Variants in LRRTM4 observed in about 807,000 individuals in gnomAD.
The protein encoded by LRRTM4 is leucine rich repeat transmembrane neuronal 4, also known as leucine-rich repeat transmembrane neuronal protein 4.
LRRTM4 carries 25 observed loss-of-function variants against 47.6 expected under a neutral mutation model. That is an observed-to-expected ratio of 0.53 (90% CI 0.38 to 0.73). The LOEUF (loss-of-function observed/expected upper bound fraction) is 0.73, where lower values mean the gene tolerates loss of function less well. Among genes scored for constraint, LRRTM4 ranks in the 30% least tolerant of loss-of-function variants. LRRTM4 has a pLI of 0.00. For synonymous variants in LRRTM4, 311 were observed against 269.5 expected (o/e 1.15, Z -1.51); for missense variants, 638 against 713.4 (o/e 0.89, Z 1.20).
intron 3 of LRRTM4, among the ~76,000 whole-genome samples, chr2:76,764,480 A>C (rs977566088): frequency 6.6e-6 from 1 of 152,050 alleles, no homozygotes; most frequent in Non-Finnish European, 1.5e-5. Context: ...AAATGCAAAA[A>C]ATTAGCTGGG....
In LRRTM4 at chr2:76,760,445, G is replaced by C. The variant is rs1204209039; in HGVS notation, c.1552-11529C>G. Among the ~76,000 whole-genome samples the C allele has an allele frequency of 2.0e-5, 3 of 152,124 alleles. No individual in the cohort carries two copies. The East Asian group carries it at 5.8e-4, about 29-fold the overall frequency. On this transcript the variant is annotated intron_variant, in intron 3 of 3. Coordinates refer to ENST00000409884, the MANE Select transcript of LRRTM4 (RefSeq NM_001134745.3). Reference sequence around the variant, plus strand: ...AGAGGGAAGGAGATGACTATCAGGTGGTTTCTGAGCCAAAGAATGGGTGCT... The same window carrying C: ...AGAGGGAAGGAGATGACTATCAGGTCGTTTCTGAGCCAAAGAATGGGTGCT...
chr2:77,197,354 C>T (rs542064318), intron 3 of LRRTM4, among the ~76,000 whole-genome samples: 1 of 151,924 alleles, frequency 6.6e-6, no homozygotes, highest in Admixed American at 6.6e-5. Context: ...AGAAAATTAG[C>T]CTTATAATCT....
At chr2:77,083,783 CTTTTTTTTTTT>C (rs386390525) in intron 3 of LRRTM4, among the ~76,000 whole-genome samples, 211 of 52,222 alleles carry the variant, frequency 4.0e-3, no homozygotes, top group Middle Eastern at 0.015. Context: ...ACTGGACACA[CTTTTTTTTTTT>C]TTTTTTTTTT....
At chr2:76,909,648 G>A (rs1445812513) in intron 3 of LRRTM4, among the ~76,000 whole-genome samples, 1 of 151,670 alleles carries the variant, frequency 6.6e-6, no homozygotes, top group Non-Finnish European at 1.5e-5. Flanking sequence ...AAATTTACAA[G>A]AAAAAAACAA....
intron 3 of LRRTM4, among the ~76,000 whole-genome samples, chr2:77,368,848 G>C (rs1024531856): frequency 2.0e-5 from 3 of 151,662 alleles, no homozygotes; most frequent in African/African-American, 7.3e-5. Flanking sequence ...GTTTCCTTTG[G>C]CGATATATGC....
rs528381596 is a variant in LRRTM4, at chr2:77,506,937, TAC to T, written c.1551+11379_1551+11380del. Among the ~76,000 whole-genome samples, 588 of 152,186 alleles carry T rather than the reference TAC, an allele frequency of 3.9e-3. 4 individuals are homozygous for T. Among genetic ancestry groups the T allele is most frequent in the Middle Eastern group, 0.027 (8 of 294 alleles). On this transcript the variant is annotated intron_variant, in intron 3 of 3. Coordinates refer to ENST00000409884, the MANE Select transcript of LRRTM4 (RefSeq NM_001134745.3). ...AAGTAATGTTATGCAATCATATACA[TAC>T]AGTTTCTAATATGAAATTAATTTTC...
chr2:77,395,632 A>T (rs1242853258), intron 3 of LRRTM4, among the ~76,000 whole-genome samples: 1 of 151,932 alleles, frequency 6.6e-6, no homozygotes. Context: ...TGCTTTCTTC[A>T]TATTTAGGTT....
chr2:77,086,518 C>T (rs1451708962), intron 3 of LRRTM4, among the ~76,000 whole-genome samples: 1 of 140,564 alleles, frequency 7.1e-6, no homozygotes, highest in Non-Finnish European at 1.5e-5. Flanking sequence ...GCTCTTTTTG[C>T]CCAGGCTGGA....
At chr2:76,918,708 G>A (rs1294717036) in intron 3 of LRRTM4, among the ~76,000 whole-genome samples, 2 of 152,002 alleles carry the variant, frequency 1.3e-5, no homozygotes, top group Non-Finnish European at 1.5e-5. Flanking sequence ...TACCTCACAT[G>A]ACAGAAGCTA....
chr2:76,903,654 A>T (rs1200029697), intron 3 of LRRTM4, among the ~76,000 whole-genome samples: 6 of 152,228 alleles, frequency 3.9e-5, no homozygotes, highest in African/African-American at 1.4e-4. Context: ...AGAAATTAGG[A>T]CTTTGAGCAG....
chr2:77,130,493 T>C (rs970727756), intron 3 of LRRTM4, among the ~76,000 whole-genome samples: 1 of 151,924 alleles, frequency 6.6e-6, no homozygotes, highest in African/African-American at 2.4e-5. Flanking sequence ...GTCAGACATA[T>C]ACTATAATAA....
At chr2:77,465,342 G>A (rs1452926003) in intron 3 of LRRTM4, among the ~76,000 whole-genome samples, 1 of 152,156 alleles carries the variant, frequency 6.6e-6, no homozygotes, top group Non-Finnish European at 1.5e-5. Context: ...AACATAATAT[G>A]TATCTGAGAA....
intron 3 of LRRTM4, among the ~76,000 whole-genome samples, chr2:76,928,442 G>A (rs192514219): frequency 7.9e-5 from 12 of 152,192 alleles, no homozygotes; most frequent in South Asian, 4.1e-4. Flanking sequence ...ATTCTGCAGC[G>A]TGCCTATGGG....
intron 3 of LRRTM4, among the ~76,000 whole-genome samples, chr2:77,174,366 G>C (rs531021424): frequency 2.0e-5 from 3 of 152,202 alleles, no homozygotes; most frequent in Non-Finnish European, 4.4e-5. Flanking sequence ...GGAGGCAGAA[G>C]TACAGAGATG....
At chr2:77,022,382 C>T (rs1678305495) in intron 3 of LRRTM4, among the ~76,000 whole-genome samples, 1 of 152,044 alleles carries the variant, frequency 6.6e-6, no homozygotes, top group South Asian at 2.1e-4. Flanking sequence ...CTCCAAATCC[C>T]ATGTCCTTGA....
At chr2:77,020,623 C>T (rs553428160) in intron 3 of LRRTM4, among the ~76,000 whole-genome samples, 9 of 151,910 alleles carry the variant, frequency 5.9e-5, no homozygotes, top group Admixed American at 2.0e-4. Context: ...AGTAACATAA[C>T]GAACAAAAAG....
intron 3 of LRRTM4, among the ~76,000 whole-genome samples, chr2:77,474,522 A>T (rs1159166555): frequency 1.3e-5 from 2 of 152,148 alleles, no homozygotes; most frequent in Non-Finnish European, 2.9e-5. Flanking sequence ...AATAGAATCA[A>T]TATAATAGAT....
rs147305172 is a variant in LRRTM4 at position 76,886,979 on chromosome 2, T to A, written c.1552-138063A>T. On this transcript the variant is annotated intron_variant, in intron 3 of 3. Coordinates refer to ENST00000409884, the MANE Select transcript of LRRTM4 (RefSeq NM_001134745.3). ...ATACATTGATTTTCATATTTGTCTA[T>A]GAGTTTAAATGTGTAGCCCACAATG... Among the ~76,000 whole-genome samples the A allele has an allele frequency of 1.7e-3, 252 of 152,058 alleles. 1 individual carries two copies. Among genetic ancestry groups the A allele is most frequent in the African/African-American group, 5.8e-3 (242 of 41,552 alleles).
At chr2:76,914,214 A>G (rs1012503815) in intron 3 of LRRTM4, among the ~76,000 whole-genome samples, 12 of 151,990 alleles carry the variant, frequency 7.9e-5, no homozygotes, top group African/African-American at 2.9e-4. Context: ...TCCGTCCATC[A>G]TATCAATAAC....
Sources: gnomAD v4.1 joint callset for allele counts (sites outside exome capture counted in the v4.1 genomes callset) on GRCh38, gnomAD v4.1.1 for gene constraint, MANE v1.5 for transcripts, NCBI Gene and HGNC (gene_info 2026-07-23, HGNC 2026-07-21) for gene names.